Variants in CFAP95 observed in about 807,000 individuals in gnomAD.
CFAP95 encodes the protein cilia- and flagella-associated protein 95.
At chr9:69,867,945 C>T in the CFAP95 span, among the ~76,000 whole-genome samples, 20 of 152,174 alleles carry the variant, frequency 1.3e-4, no homozygotes, top group African/African-American at 3.6e-4. Context: ...AATCATTCCA[C>T]AGAATAATCA....
chr9:69,824,772 A>G, the CFAP95 span, among the ~76,000 whole-genome samples: 3 of 152,194 alleles, frequency 2.0e-5, no homozygotes, highest in Non-Finnish European at 4.4e-5. Flanking sequence ...TTAAACTGAA[A>G]CACACATAAT....
At chr9:69,870,748 A>G in the CFAP95 span, among the ~76,000 whole-genome samples, 1 of 152,216 alleles carries the variant, frequency 6.6e-6, no homozygotes, top group Non-Finnish European at 1.5e-5. Flanking sequence ...GCCAAACTAC[A>G]TGCCACAACA....
chr9:69,826,914 A>T, the CFAP95 span, among the ~76,000 whole-genome samples: 1 of 152,230 alleles, frequency 6.6e-6, no homozygotes, highest in Non-Finnish European at 1.5e-5. Context: ...GAGGCCTTGA[A>T]GTAAAAGACT....
the CFAP95 span, among the ~76,000 whole-genome samples, chr9:69,863,356 G>A: frequency 6.6e-6 from 1 of 152,122 alleles, no homozygotes; most frequent in Non-Finnish European, 1.5e-5. Context: ...TAGAGGAATA[G>A]AAAAGTAACG....
chr9:69,854,110 A>G, the CFAP95 span, among the ~76,000 whole-genome samples: 2 of 152,216 alleles, frequency 1.3e-5, no homozygotes, highest in African/African-American at 4.8e-5. Flanking sequence ...TTGGGAGATA[A>G]CATTTGCCGC....
At chr9:69,826,931 T>G in the CFAP95 span, among the ~76,000 whole-genome samples, 1 of 152,160 alleles carries the variant, frequency 6.6e-6, no homozygotes, top group Non-Finnish European at 1.5e-5. Flanking sequence ...GACTACAGTA[T>G]AGTACAAAAT....
the CFAP95 span, among the ~76,000 whole-genome samples, chr9:69,889,564 G>A: frequency 1.3e-5 from 2 of 152,110 alleles, no homozygotes; most frequent in Admixed American, 6.6e-5. Flanking sequence ...AGTTCCCCAG[G>A]CCCTAGCCCA....
the CFAP95 span, among the ~76,000 whole-genome samples, chr9:69,869,422 G>A: frequency 1.3e-5 from 2 of 152,162 alleles, no homozygotes; most frequent in African/African-American, 2.4e-5. Context: ...GAAGCTGAGA[G>A]TAGAATGGTG....
At chr9:69,872,138 A>G in the CFAP95 span, among the ~76,000 whole-genome samples, 7 of 152,192 alleles carry the variant, frequency 4.6e-5, no homozygotes, top group East Asian at 3.8e-4. Context: ...GGTCTGTCTG[A>G]CTGCAGAGCC....
the CFAP95 span, among the ~76,000 whole-genome samples, chr9:69,873,414 T>TTTTG: frequency 6.1e-4 from 92 of 152,006 alleles, no homozygotes; most frequent in South Asian, 0.012. Flanking sequence ...ACCTAAGTTT[T>TTTTG]TTTGTTTGTT....
chr9:69,877,427 T>A, the CFAP95 span, among the ~76,000 whole-genome samples: 1 of 152,248 alleles, frequency 6.6e-6, no homozygotes, highest in African/African-American at 2.4e-5. Flanking sequence ...TATCATTATA[T>A]CCACCATTCC....
chr9:69,895,812 T>C, the CFAP95 span, among the ~76,000 whole-genome samples: 4 of 152,098 alleles, frequency 2.6e-5, no homozygotes, highest in Non-Finnish European at 5.9e-5. Context: ...ATTAACTTTT[T>C]TGAGACAGAG....
At chr9:69,902,987 T>C in the CFAP95 span, among the ~76,000 whole-genome samples, 6 of 152,324 alleles carry the variant, frequency 3.9e-5, no homozygotes, top group Admixed American at 2.6e-4. Flanking sequence ...CAGGTGTATG[T>C]TAGGATGCTT....
At chr9:69,885,453 T>C in the CFAP95 span, among the ~76,000 whole-genome samples, 2 of 152,226 alleles carry the variant, frequency 1.3e-5, no homozygotes, top group African/African-American at 4.8e-5. Context: ...TACAGATTCT[T>C]GGCTGCAGTT....
chr9:69,887,888 G>C, the CFAP95 span, among the ~76,000 whole-genome samples: 2 of 152,180 alleles, frequency 1.3e-5, no homozygotes, highest in Non-Finnish European at 2.9e-5. Context: ...CTTGACTTAC[G>C]AGTGAGGAAG....
the CFAP95 span, among the ~76,000 whole-genome samples, chr9:69,876,720 C>T: frequency 3.6e-4 from 55 of 152,018 alleles, no homozygotes; most frequent in Non-Finnish European, 7.4e-4. Context: ...CTGCAACCTC[C>T]GCCTCCTGGG....
the CFAP95 span, among the ~76,000 whole-genome samples, chr9:69,840,363 A>G: frequency 6.6e-6 from 1 of 152,342 alleles, no homozygotes; most frequent in East Asian, 1.9e-4. Flanking sequence ...TATAAGGCTT[A>G]GTTAGTTTTG....
chr9:69,822,192 AGAAAT>A, the CFAP95 span, among the ~76,000 whole-genome samples: 4 of 152,208 alleles, frequency 2.6e-5, no homozygotes, highest in Non-Finnish European at 4.4e-5. Flanking sequence ...AAGAAAAAAA[AGAAAT>A]GAAAAGAAGT....
chr9:69,852,958 C>T, the CFAP95 span, among the ~76,000 whole-genome samples: 18 of 152,176 alleles, frequency 1.2e-4, no homozygotes, highest in African/African-American at 3.9e-4. Context: ...ATTATGAGGC[C>T]TCCCCAGCCC....
Sources: allele counts gnomAD v4.1 joint callset (sites outside exome capture counted in the v4.1 genomes callset), GRCh38; gene constraint gnomAD v4.1.1; transcripts MANE v1.5; gene names NCBI Gene and HGNC (gene_info 2026-07-23, HGNC 2026-07-21).